The following ANKRD12 variants were observed in gnomAD, a reference collection of about 807,000 sequenced individuals.
The protein encoded by ANKRD12 is ankyrin repeat domain 12, also known as ankyrin repeat domain-containing protein 12.
In ANKRD12, 85 loss-of-function variants were observed where a neutral mutation model predicts 183.4. The ratio of observed to expected loss-of-function variants is 0.46; its 90% confidence interval spans 0.39 to 0.56. The LOEUF is 0.56. ANKRD12 is among the 20% of genes least tolerant of loss of function. ANKRD12 has a pLI of 0.00. For missense variants in ANKRD12, 2,405 were observed against 2,357.1 expected, an observed-to-expected ratio of 1.02 and a Z score of -0.42; for synonymous variants, 914 against 800.2, an observed-to-expected ratio of 1.14 and a Z score of -2.40.
intron 3 of ANKRD12, among the ~76,000 whole-genome samples, chr18:9,198,362 T>A (rs1028289810): frequency 6.6e-6 from 1 of 152,068 alleles, no homozygotes; most frequent in African/African-American, 2.4e-5. Context: ...AATCAAGAAA[T>A]ACAATTTATG....
At chr18:9,161,378 T>C (rs2031390670) in intron 1 of ANKRD12, among the ~76,000 whole-genome samples, 1 of 151,730 alleles carries the variant, frequency 6.6e-6, no homozygotes, top group Non-Finnish European at 1.5e-5. Flanking sequence ...TATTTATTTA[T>C]TTTTATTATT....
At chr18:9,241,793 C>A (rs2037677679) in intron 8 of ANKRD12, among the ~76,000 whole-genome samples, 2 of 151,840 alleles carry the variant, frequency 1.3e-5, no homozygotes, top group Non-Finnish European at 2.9e-5. Flanking sequence ...ATATCACCAA[C>A]TTGCTTCTAC....
At position 9,284,452 on chromosome 18, in the gene ANKRD12, A is replaced by AT. The variant is rs1160587748; in HGVS notation, c.*3328dup. On this transcript the variant is annotated 3_prime_UTR_variant, in exon 13 of 13. Coordinates refer to ENST00000262126, the MANE Select transcript of ANKRD12 (RefSeq NM_015208.5). ...AAACCCAAAATTTTATATAGAAGAAATTGACTCTGTAAAACGCAATGAAAT... is the reference window on the plus strand; with the variant it reads ...AAACCCAAAATTTTATATAGAAGAAATTTGACTCTGTAAAACGCAATGAAAT... 6.6e-6 allele frequency: 1 copy of AT among 152,236 alleles called. No individual in the cohort carries two copies. The highest frequency in any genetic ancestry group is 2.4e-5 in the African/African-American group (1 of 41,474). The allele number at this position is 152,236 out of a possible 1,614,324, so 9.4% of individuals were successfully genotyped here.
At chr18:9,172,817 G>T (rs1048881123) in intron 1 of ANKRD12, among the ~76,000 whole-genome samples, 1 of 152,032 alleles carries the variant, frequency 6.6e-6, no homozygotes, top group African/African-American at 2.4e-5. Context: ...TGAGTTTTCA[G>T]CGTTTTTTGC....
Position 9,279,626 on chromosome 18 carries a change from T to A in ANKRD12, c.5985T>A (p.Asp1995Glu). Residue 1995 changes from aspartate to glutamate, a missense_variant, in exon 12 of 13, where the codon GAT becomes GAA. Physicochemically the swap from Asp to Glu is conservative, Grantham distance 45 (BLOSUM62 2). This residue lies in a region of ANKRD12 where 162 missense variants were observed against 272.2 expected (regional missense o/e 0.60). Coordinates refer to ENST00000262126, the MANE Select transcript of ANKRD12 (RefSeq NM_015208.5). Reference sequence around the variant, plus strand: ...TGTCTTGGTTACAAGATGTGGATGATAAATTTGACAAATTAAAGGTATGTA... The same window carrying A: ...TGTCTTGGTTACAAGATGTGGATGAAAAATTTGACAAATTAAAGGTATGTA... ...QFMSWLQDVD[D>E]KFDKLKTCLL... 1.2e-6 allele frequency: 2 copies of A among 1,604,092 alleles called. No individual in the cohort carries two copies. The highest frequency in any genetic ancestry group is 1.7e-6 in the Non-Finnish European group (2 of 1,176,200).
rs755465135 is a variant in ANKRD12 at position 9,227,618 on chromosome 18, G to A, written c.943+5619G>A. Among the ~76,000 whole-genome samples, 11 of 152,120 alleles carry A rather than the reference G, an allele frequency of 7.2e-5. No individual in the cohort carries two copies. The East Asian group carries it at 1.3e-3, about 19-fold the overall frequency. ...AGCTTCAAGAACAGAATAAATTGCCGTGGTTTGAAATCCATCAAAGATGTT... is the reference window on the plus strand; with the variant it reads ...AGCTTCAAGAACAGAATAAATTGCCATGGTTTGAAATCCATCAAAGATGTT... On this transcript the variant is annotated intron_variant, in intron 8 of 12. Transcript: ENST00000262126.
chr18:9,268,234 T>C (rs2039410559), intron 10 of ANKRD12, among the ~76,000 whole-genome samples: 2 of 152,064 alleles, frequency 1.3e-5, no homozygotes, highest in Admixed American at 6.5e-5. Context: ...TTCCAATCAA[T>C]AGAAAAAGAG....
At position 9,272,799 on chromosome 18, in the gene ANKRD12, GAATT is replaced by G. The variant is rs535247474; in HGVS notation, c.5764-2722_5764-2719del. Among the ~76,000 whole-genome samples the G allele has an allele frequency of 1.7e-3, 252 of 152,168 alleles. No homozygotes were observed. In the Middle Eastern group the frequency reaches 0.034, roughly 21 times the overall value. ...TCTTTGAATATCGTTTGTCATATAA[GAATT>G]AAGTTAATTAGGACCATGTTTCTTT... is the stretch of plus-strand genomic sequence containing the variant. On this transcript the variant is annotated intron_variant, in intron 10 of 12. Coordinates refer to ENST00000262126, the MANE Select transcript of ANKRD12 (RefSeq NM_015208.5).
At chr18:9,218,826 C>T (rs1223556200) in intron 7 of ANKRD12, among the ~76,000 whole-genome samples, 1 of 151,914 alleles carries the variant, frequency 6.6e-6, no homozygotes, top group African/African-American at 2.4e-5. Flanking sequence ...GCACACCATG[C>T]TAGGCTAATT....
intron 7 of ANKRD12, among the ~76,000 whole-genome samples, chr18:9,218,841 A>AT (rs1215291632): frequency 4.0e-5 from 6 of 151,028 alleles, no homozygotes; most frequent in East Asian, 1.9e-4. Flanking sequence ...CTAATTTTTA[A>AT]TTTTTTTTGT....
intron 11 of ANKRD12, 94 bp downstream of exon 11, chr18:9,275,761 C>T: frequency 8.0e-7 from 1 of 1,243,084 alleles, no homozygotes; most frequent in Non-Finnish European, 1.1e-6. Context: ...AACTTGAACT[C>T]AACAATCATT....
rs902135152 is a variant in ANKRD12, at chr18:9,285,038, C to G, written c.*3912C>G. ...TGGCTAACACGGTGAAACCCCGTCTCTACTAAACAAAATGCAAAAAATCAG... is the reference window on the plus strand; with the variant it reads ...TGGCTAACACGGTGAAACCCCGTCTGTACTAAACAAAATGCAAAAAATCAG... On this transcript the variant is annotated 3_prime_UTR_variant, in exon 13 of 13. Coordinates refer to ENST00000262126, the MANE Select transcript of ANKRD12 (RefSeq NM_015208.5). 6.6e-6 allele frequency: 1 copy of G among 152,104 alleles called. No individual in the cohort carries two copies. Among genetic ancestry groups the G allele is most frequent in the Non-Finnish European group, 1.5e-5 (1 of 68,102 alleles). The allele number at this position is 152,104 out of a possible 1,614,324, so 9.4% of individuals were successfully genotyped here.
At chr18:9,212,837 CAGT>C (rs2035883986) in intron 6 of ANKRD12, among the ~76,000 whole-genome samples, 1 of 151,818 alleles carries the variant, frequency 6.6e-6, no homozygotes, top group Admixed American at 6.6e-5. Flanking sequence ...TTTTCATGAT[CAGT>C]AGTGATGGTA....
chr18:9,173,402 T>C (rs1314919991), intron 1 of ANKRD12, among the ~76,000 whole-genome samples: 4 of 152,268 alleles, frequency 2.6e-5, no homozygotes, highest in East Asian at 3.9e-4. Context: ...TTTTGTGGTG[T>C]CTTTTTTGTT....
chr18:9,270,307 T>C (rs1031638550), intron 10 of ANKRD12, among the ~76,000 whole-genome samples: 6 of 152,158 alleles, frequency 3.9e-5, no homozygotes, highest in African/African-American at 1.4e-4. Context: ...TAAAGACACA[T>C]GCACACGTAT....
intron 1 of ANKRD12, among the ~76,000 whole-genome samples, chr18:9,175,989 G>A (rs1035061423): frequency 2.6e-5 from 4 of 152,162 alleles, no homozygotes; most frequent in Non-Finnish European, 5.9e-5. Flanking sequence ...ATTGTACTAA[G>A]AAGTCTGTCA....
At position 9,258,443 on chromosome 18, in the gene ANKRD12, A is replaced by C. The variant is rs184284763; in HGVS notation, c.5176A>C (p.Lys1726Gln). Reference sequence around the variant, plus strand: ...ATTAGAAGAAAATGCCGAAGATGATAAAACTGAAAACCAAATCCCTCAAAG... The same window carrying C: ...ATTAGAAGAAAATGCCGAAGATGATCAAACTGAAAACCAAATCCCTCAAAG... ...VELEENAEDD[K>Q]TENQIPQRMT... Residue 1726 changes from lysine (K) to glutamine (Q), a missense_variant, in exon 9 of 13, where the codon AAA becomes CAA. This residue lies in a region of ANKRD12 where 1,983 missense variants were observed against 1,725.9 expected (regional missense o/e 1.15). Coordinates refer to ENST00000262126, the MANE Select transcript of ANKRD12 (RefSeq NM_015208.5). 6.2e-7 allele frequency: 1 copy of C among 1,613,716 alleles called. No individual in the cohort carries two copies. The highest frequency in any genetic ancestry group is 1.3e-5 in the African/African-American group (1 of 74,934).
intron 4 of ANKRD12, 61 bp downstream of exon 4, chr18:9,204,605 T>A: frequency 8.3e-7 from 1 of 1,207,356 alleles, no homozygotes; most frequent in Non-Finnish European, 1.2e-6. Context: ...TACAATTAAT[T>A]ATTGTACTAT....
intron 2 of ANKRD12, 26 bp downstream of exon 2, chr18:9,182,545 T>G: frequency 2.0e-6 from 3 of 1,463,930 alleles, no homozygotes; most frequent in African/African-American, 1.4e-5. Flanking sequence ...AAAGATTTGT[T>G]GACTTTTTGA....
Sources: allele counts gnomAD v4.1 joint callset (sites outside exome capture counted in the v4.1 genomes callset), GRCh38; gene constraint gnomAD v4.1.1; regional missense constraint gnomAD v4.1.1; transcripts MANE v1.5; gene names NCBI Gene and HGNC (gene_info 2026-07-23, HGNC 2026-07-21).